Variants in ZNF536 observed in about 807,000 individuals in gnomAD.
ZNF536 encodes zinc finger protein 536.
ZNF536 carries 13 observed loss-of-function variants against 84.5 expected under a neutral mutation model. The observed-to-expected ratio is 0.15, with a 90% confidence interval of 0.10 to 0.24. ZNF536 has a LOEUF of 0.24. ZNF536 is among the 10% of genes least tolerant of loss of function. The pLI is 1.00. For synonymous variants in ZNF536, 811 were observed against 742.5 expected, an observed-to-expected ratio of 1.09 and a Z score of -1.50; for missense variants, 1,536 against 1,747.5, an observed-to-expected ratio of 0.88 and a Z score of 2.16.
intron 3 of ZNF536, among the ~76,000 whole-genome samples, chr19:30,547,346 A>G (rs1392942383): frequency 6.6e-6 from 1 of 152,218 alleles, no homozygotes; most frequent in African/African-American, 2.4e-5. Context: ...GAAACAGTGC[A>G]GTAGGTCTGC....
At chr19:30,677,390 C>G (rs1878748542) in intron 1 of ZNF536, among the ~76,000 whole-genome samples, 3 of 152,342 alleles carry the variant, frequency 2.0e-5, no homozygotes, top group Admixed American at 6.5e-5. Flanking sequence ...AGGTGCCCTC[C>G]TGGCTATTGA....
chr19:30,513,928 A>G (rs961711539), intron 2 of ZNF536, among the ~76,000 whole-genome samples: 3 of 152,200 alleles, frequency 2.0e-5, no homozygotes, highest in Non-Finnish European at 4.4e-5. Flanking sequence ...TGAGCAGTTT[A>G]TCAGCATCTG....
At chr19:30,566,479 C>G (rs1333431922) in intron 1 of ZNF536, among the ~76,000 whole-genome samples, 1 of 152,206 alleles carries the variant, frequency 6.6e-6, no homozygotes, top group Non-Finnish European at 1.5e-5. Flanking sequence ...CATGAAAACC[C>G]AAGGATGTGG....
chr19:30,553,264 A>T (rs2045849039), intron 4 of ZNF536, among the ~76,000 whole-genome samples: 1 of 152,204 alleles, frequency 6.6e-6, no homozygotes, highest in Non-Finnish European at 1.5e-5. Flanking sequence ...TAGTCTGAGA[A>T]ATGCTAATGC....
intron 2 of ZNF536, among the ~76,000 whole-genome samples, chr19:30,316,180 A>T (rs756013124): frequency 6.6e-5 from 10 of 152,332 alleles, no homozygotes; most frequent in Admixed American, 2.0e-4. Context: ...TAATTCTTTA[A>T]TAGACGCCAC....
chr19:30,466,388 A>AC (rs1441063073), intron 2 of ZNF536, among the ~76,000 whole-genome samples: 1 of 151,170 alleles, frequency 6.6e-6, no homozygotes. Flanking sequence ...CAAAAAAAAA[A>AC]AAACCCAAAC....
At chr19:30,702,522 G>A (rs2052029037) in intron 1 of ZNF536, among the ~76,000 whole-genome samples, 1 of 152,156 alleles carries the variant, frequency 6.6e-6, no homozygotes, top group Non-Finnish European at 1.5e-5. Context: ...AGATAGATGG[G>A]GATTGGGAAC....
chr19:30,648,345 G>A (rs1029515676), intron 1 of ZNF536, among the ~76,000 whole-genome samples: 8 of 152,162 alleles, frequency 5.3e-5, no homozygotes, highest in Non-Finnish European at 1.2e-4. Context: ...TCTGCGTGCT[G>A]AGACATCACT....
At chr19:30,310,360 T>C (rs2046461904) in intron 2 of ZNF536, among the ~76,000 whole-genome samples, 1 of 152,204 alleles carries the variant, frequency 6.6e-6, no homozygotes, top group African/African-American at 2.4e-5. Flanking sequence ...CAGATGGTGA[T>C]GGATTCTTCA....
At chr19:30,291,211 G>C (rs2045829543) in intron 2 of ZNF536, among the ~76,000 whole-genome samples, 1 of 152,190 alleles carries the variant, frequency 6.6e-6, no homozygotes, top group African/African-American at 2.4e-5. Context: ...CCAGTAATGG[G>C]ATTGCTGGGT....
At chr19:30,605,325 C>T (rs976002880) in intron 1 of ZNF536, among the ~76,000 whole-genome samples, 9 of 151,956 alleles carry the variant, frequency 5.9e-5, no homozygotes, top group Non-Finnish European at 1.3e-4. Context: ...GTCTTTTACC[C>T]CTGACCCCCT....
intron 2 of ZNF536, among the ~76,000 whole-genome samples, chr19:30,339,546 C>A (rs2047497441): frequency 6.6e-6 from 1 of 152,052 alleles, no homozygotes; most frequent in Non-Finnish European, 1.5e-5. Context: ...GGCTTGCCTA[C>A]CCTCGGGCAG....
chr19:30,554,332 A>C (rs2146327995), intron 4 of ZNF536: 1 of 132,348 alleles, frequency 7.6e-6, no homozygotes, highest in East Asian at 2.2e-4. Flanking sequence ...ATCTCGGCTC[A>C]CGGCAACTTC....
intron 1 of ZNF536, among the ~76,000 whole-genome samples, chr19:30,651,438 G>T (rs1198232119): frequency 6.6e-6 from 1 of 152,180 alleles, no homozygotes; most frequent in Non-Finnish European, 1.5e-5. Flanking sequence ...GGGGAGGGAG[G>T]AAGGGAAGCT....
chr19:30,445,392 C>T lies in ZNF536; in HGVS notation c.1830C>T (p.His610=), dbSNP rs771230573. 2.4e-5 allele frequency: 38 copies of T among 1,614,030 alleles called. No individual in the cohort carries two copies. In the Admixed American group the frequency reaches 6.3e-4, roughly 27 times the overall value. Residue 610 remains histidine, a synonymous_variant, in exon 2 of 5, where the codon CAC becomes CAT. Coordinates refer to ENST00000355537, the MANE Select transcript of ZNF536 (RefSeq NM_014717.3). This position sits in a 1 kb window ranked among gnomAD's most constrained non-coding sequence, Gnocchi z 4.5. ...AAAGCAGTCGGGATTTTTTGTCACA[C>T]GGGCTGAACCAGACTCTCGAGTATA... is the stretch of plus-strand genomic sequence containing the variant. ...PLESSRDFLS[H]GLNQTLEYNL...
intron 1 of ZNF536, among the ~76,000 whole-genome samples, chr19:30,638,405 G>T (rs1345150986): frequency 6.6e-6 from 1 of 152,162 alleles, no homozygotes; most frequent in East Asian, 1.9e-4. Flanking sequence ...CAGCTTCTGG[G>T]GAGGCCTCAG....
At chr19:30,374,720 C>G (rs1189274917) in intron 1 of ZNF536, among the ~76,000 whole-genome samples, 1 of 151,598 alleles carries the variant, frequency 6.6e-6, no homozygotes, top group Non-Finnish European at 1.5e-5. Flanking sequence ...TGCAACTTCT[C>G]GGACCGTCTC....
intron 3 of ZNF536, among the ~76,000 whole-genome samples, chr19:30,355,562 A>AT (rs559320159): frequency 9.3e-5 from 14 of 151,178 alleles, no homozygotes; most frequent in Admixed American, 2.0e-4. Flanking sequence ...TAATTTTTGT[A>AT]TTTTTTTTGT....
intron 1 of ZNF536, among the ~76,000 whole-genome samples, chr19:30,703,561 C>G (rs1255964554): frequency 6.6e-6 from 1 of 152,142 alleles, no homozygotes; most frequent in South Asian, 2.1e-4. Context: ...TCCCAGATCC[C>G]CCATTCAAAT....
Sources: allele counts gnomAD v4.1 joint callset (sites outside exome capture counted in the v4.1 genomes callset), GRCh38; gene constraint gnomAD v4.1.1; non-coding constraint Gnocchi (gnomAD v3.1); transcripts MANE v1.5; gene names NCBI Gene and HGNC (gene_info 2026-07-23, HGNC 2026-07-21).